Variants in PTPRK observed in about 807,000 individuals in gnomAD.
The protein encoded by PTPRK is receptor-type tyrosine-protein phosphatase kappa.
A neutral mutation model predicts 178.0 loss-of-function variants in PTPRK; 75 were observed. The observed-to-expected ratio is 0.42, with a 90% CI of 0.35 to 0.51. The LOEUF (loss-of-function observed/expected upper bound fraction) is 0.51, where lower values mean the gene tolerates loss of function less well. Among genes scored for constraint, PTPRK ranks in the 20% least tolerant of loss-of-function variants. The pLI, the probability that PTPRK is intolerant of heterozygous loss-of-function variation, is 0.02. For synonymous variants in PTPRK, 637 were observed against 620.6 expected (o/e 1.03, Z -0.39); for missense variants, 1,441 against 1,797.8 (o/e 0.80, Z 3.59).
At chr6:128,211,871 C>A (rs1313640125) in intron 6 of PTPRK, among the ~76,000 whole-genome samples, 1 of 151,970 alleles carries the variant, frequency 6.6e-6, no homozygotes, top group African/African-American at 2.4e-5. Context: ...CCCACTACAA[C>A]ACTTCTATTG....
intron 3 of PTPRK, among the ~76,000 whole-genome samples, chr6:128,249,529 T>C (rs1816099367): frequency 6.6e-6 from 1 of 151,860 alleles, no homozygotes; most frequent in Non-Finnish European, 1.5e-5. Context: ...GCAAAATGAG[T>C]ATAGTAGAAG....
chr6:128,509,856 G>A (rs1856914586), intron 1 of PTPRK, among the ~76,000 whole-genome samples: 1 of 152,134 alleles, frequency 6.6e-6, no homozygotes. Flanking sequence ...GAGGTAGGTT[G>A]CTGCCAGCCC....
intron 7 of PTPRK, among the ~76,000 whole-genome samples, chr6:128,179,358 T>C (rs1423756741): frequency 6.6e-6 from 1 of 151,986 alleles, no homozygotes; most frequent in Admixed American, 6.6e-5. Flanking sequence ...AACCAAAAAT[T>C]AGGTTATTAC....
intron 6 of PTPRK, among the ~76,000 whole-genome samples, chr6:128,198,155 T>C (rs2128255607): frequency 6.6e-6 from 1 of 152,270 alleles, no homozygotes; most frequent in East Asian, 1.9e-4. Flanking sequence ...CACTATAAAA[T>C]GGTTATTGTT....
At chr6:128,391,367 G>T (rs1465438182) in intron 2 of PTPRK, among the ~76,000 whole-genome samples, 6 of 152,114 alleles carry the variant, frequency 3.9e-5, no homozygotes, top group African/African-American at 1.4e-4. Flanking sequence ...CTCTTTGGTT[G>T]TGTTAACAGA....
intron 2 of PTPRK, among the ~76,000 whole-genome samples, chr6:128,389,183 G>A (rs561767440): frequency 2.5e-3 from 374 of 152,128 alleles, no homozygotes; most frequent in African/African-American, 8.5e-3. Context: ...CCTCTTTGGT[G>A]AGGGAGTAGA....
intron 5 of PTPRK, among the ~76,000 whole-genome samples, chr6:128,229,714 A>G (rs558557468): frequency 1.3e-5 from 2 of 152,318 alleles, no homozygotes; most frequent in Admixed American, 6.5e-5. Flanking sequence ...TTAAGATTTA[A>G]TAGAAATAAT....
Position 128,520,395 on chromosome 6 carries a change from G to T in PTPRK, c.-37C>A, listed in dbSNP as rs768254751. On this transcript the variant is annotated 5_prime_UTR_variant, in exon 1 of 30. Coordinates refer to ENST00000368226, the MANE Select transcript of PTPRK (RefSeq NM_002844.4). ...GAGAAGTTTCAAGCAGCTTTGCAAA[G>T]AGCTGCCGGGGGGATCGCCGCGAAA... 17 of 1,561,948 alleles carry T rather than the reference G, an allele frequency of 1.1e-5. No homozygotes were observed. The highest frequency in any genetic ancestry group is 1.5e-5 in the Non-Finnish European group (17 of 1,150,084).
intron 13 of PTPRK, among the ~76,000 whole-genome samples, chr6:128,064,142 G>A (rs952480896): frequency 2.6e-5 from 4 of 152,122 alleles, no homozygotes; most frequent in Admixed American, 2.0e-4. Flanking sequence ...CCCCCACTTG[G>A]AACTCTAAAT....
intron 1 of PTPRK, among the ~76,000 whole-genome samples, chr6:128,457,458 T>C (rs976557267): frequency 4.6e-5 from 7 of 152,132 alleles, no homozygotes; most frequent in African/African-American, 1.2e-4. Flanking sequence ...ACTTAGTCCA[T>C]CAACTGCTTT....
chr6:128,426,162 T>C (rs909399426), intron 1 of PTPRK, among the ~76,000 whole-genome samples: 1 of 152,186 alleles, frequency 6.6e-6, no homozygotes. Context: ...TTCCCATAAT[T>C]ATTCCTCTGA....
intron 11 of PTPRK, among the ~76,000 whole-genome samples, chr6:128,071,503 C>T (rs1187232116): frequency 1.3e-5 from 2 of 151,982 alleles, no homozygotes; most frequent in East Asian, 3.9e-4. Context: ...TCTTTCTGTT[C>T]TGGACCTCTG....
At chr6:128,121,298 G>T (rs901103998) in intron 7 of PTPRK, among the ~76,000 whole-genome samples, 28 of 151,884 alleles carry the variant, frequency 1.8e-4, no homozygotes, top group African/African-American at 4.6e-4. Context: ...CTCCCAGTAG[G>T]GACTGATAGT....
intron 16 of PTPRK, 137 bp from the exon 17 acceptor site, chr6:127,997,125 T>C: frequency 1.2e-6 from 1 of 821,018 alleles, no homozygotes; most frequent in Non-Finnish European, 1.9e-6. Context: ...CAAGTTTCAT[T>C]CTCAGACCTC....
chr6:128,100,136 CT>C (rs1223276191), intron 7 of PTPRK, among the ~76,000 whole-genome samples: 2 of 151,946 alleles, frequency 1.3e-5, no homozygotes, highest in Non-Finnish European at 2.9e-5. Context: ...AATTACAAAA[CT>C]GCAAATAAAC....
intron 7 of PTPRK, among the ~76,000 whole-genome samples, chr6:128,183,408 A>G (rs1802247789): frequency 6.6e-6 from 1 of 152,206 alleles, no homozygotes; most frequent in African/African-American, 2.4e-5. Flanking sequence ...ATAAATATAT[A>G]CAGCAATCAG....
chr6:128,012,629 G>A (rs1779177203), intron 13 of PTPRK, among the ~76,000 whole-genome samples: 1 of 151,194 alleles, frequency 6.6e-6, no homozygotes, highest in Non-Finnish European at 1.5e-5. Flanking sequence ...TATTTTTATT[G>A]AGCAAATTTC....
intron 2 of PTPRK, among the ~76,000 whole-genome samples, chr6:128,362,025 T>C (rs1250053600): frequency 1.3e-5 from 2 of 152,164 alleles, no homozygotes; most frequent in Admixed American, 6.6e-5. Flanking sequence ...GGACACTTTA[T>C]ATGTTAGGCC....
intron 3 of PTPRK, among the ~76,000 whole-genome samples, chr6:128,299,770 C>T (rs560712476): frequency 1.8e-4 from 28 of 151,980 alleles, no homozygotes; most frequent in South Asian, 1.7e-3. Flanking sequence ...ATAAAAACCC[C>T]AGAAGAAAAC....
Sources: gnomAD v4.1 joint callset for allele counts (sites outside exome capture counted in the v4.1 genomes callset) on GRCh38, gnomAD v4.1.1 for gene constraint, MANE v1.5 for transcripts, NCBI Gene and HGNC (gene_info 2026-07-23, HGNC 2026-07-21) for gene names.